Variants in PLA2G7 observed in about 807,000 individuals in gnomAD.
The protein encoded by PLA2G7 is platelet-activating factor acetylhydrolase.
Under a neutral mutation model 49.6 loss-of-function variants are expected in PLA2G7, and 63 were observed. The ratio of observed to expected loss-of-function variants is 1.27; its 90% CI spans 1.04 to 1.57. PLA2G7 has a LOEUF of 1.57. Ranked by LOEUF, PLA2G7 falls within the 40% of genes most tolerant of loss-of-function variation. PLA2G7 has a pLI of 0.00. For synonymous variants in PLA2G7, 193 were observed against 169.9 expected, an observed-to-expected ratio of 1.14 and a Z score of -1.06; for missense variants, 596 against 521.2, an observed-to-expected ratio of 1.14 and a Z score of -1.40.
At chr6:46,718,000 A>G (rs9472828) in intron 2 of PLA2G7, among the ~76,000 whole-genome samples, 128,016 of 152,224 alleles carry the variant, frequency 0.84, 54,107 homozygotes, top group African/African-American at 0.92. Flanking sequence ...ACAGGCGTGA[A>G]CCACCACGCC....
rs555404416 is a variant in PLA2G7 at position 46,724,082 on chromosome 6, C to T, written c.-34-1157G>A. The stretch of plus-strand genomic sequence containing the variant: ...CCCAAATGACTGGTCCTCTCACCTC[C>T]GGGTTTTTGCTCCAGTGATACTTTC... On this transcript the variant is annotated intron_variant, in intron 1 of 11. Coordinates refer to ENST00000274793, the MANE Select transcript of PLA2G7 (RefSeq NM_005084.4). 5.3e-5 allele frequency among the ~76,000 whole-genome samples: 8 copies of T among 152,238 alleles called. No individual in the cohort carries two copies. The East Asian group carries it at 7.7e-4, about 15-fold the overall frequency.
chr6:46,721,822 C>A (rs983417916), intron 2 of PLA2G7, among the ~76,000 whole-genome samples: 15 of 151,918 alleles, frequency 9.9e-5, no homozygotes, highest in Non-Finnish European at 1.5e-4. Context: ...TGTAGTAGGG[C>A]AAAATTTAAG....
intron 1 of PLA2G7, among the ~76,000 whole-genome samples, chr6:46,723,361 C>A (rs908936397): frequency 2.0e-5 from 3 of 152,046 alleles, no homozygotes; most frequent in African/African-American, 7.3e-5. Context: ...GACTATATTT[C>A]TGCTGCTGTG....
At position 46,716,296 on chromosome 6, in the gene PLA2G7, CT is replaced by C; in HGVS notation, c.376+87del. 2.2e-6 allele frequency: 3 copies of C among 1,366,472 alleles called. 1 individual carries two copies. The South Asian group carries it at 3.5e-5, about 16-fold the overall frequency. The allele number at this position is 1,366,472 out of a possible 1,614,324, so 84.6% of individuals were successfully genotyped here. The stretch of plus-strand genomic sequence containing the variant: ...GCTATTTGGACTGAAGAAAAATCTA[CT>C]TTGGTCTTAACTACTTGAAGTTCTT... On this transcript the variant is annotated intron_variant, in intron 4 of 11. Transcript: ENST00000274793.
At chr6:46,722,637 C>A (rs1765436644) in intron 2 of PLA2G7, 146 bp downstream of exon 2, 3 of 659,124 alleles carry the variant, frequency 4.6e-6, no homozygotes, top group Non-Finnish European at 5.5e-6. Flanking sequence ...AAGTGAGAAC[C>A]TCTCCCCTAC....
intron 1 of PLA2G7, among the ~76,000 whole-genome samples, chr6:46,731,888 G>A (rs1019997528): frequency 6.6e-6 from 1 of 152,074 alleles, no homozygotes; most frequent in Admixed American, 6.6e-5. Flanking sequence ...CCAAAAAATA[G>A]CCTACGCCCA....
intron 1 of PLA2G7, among the ~76,000 whole-genome samples, chr6:46,734,415 TGAGAGAGAGAGAGAGAGAGAGAGA>T (rs70996386): frequency 0.027 from 1,491 of 54,274 alleles, 188 homozygotes; most frequent in African/African-American, 0.047. Flanking sequence ...TGTGTGTGTG[TGAGAGAGAGAGAGAGAGAGAGAGA>T]GAGAGAGAGA....
At chr6:46,717,586 T>G (rs35181186) in intron 2 of PLA2G7, among the ~76,000 whole-genome samples, 6,743 of 152,110 alleles carry the variant, frequency 0.044, 191 homozygotes, top group East Asian at 0.12. Flanking sequence ...CCACACAGCC[T>G]GCAACTCAAG....
At chr6:46,734,458 G>C (rs1003162731) in intron 1 of PLA2G7, among the ~76,000 whole-genome samples, 1 of 132,962 alleles carries the variant, frequency 7.5e-6, no homozygotes, top group East Asian at 2.2e-4. Context: ...GAGAGAGAGA[G>C]AGAGAGAGAG....
At chr6:46,711,459 T>C in intron 7 of PLA2G7, 37 bp downstream of exon 7, 2 of 1,611,194 alleles carry the variant, frequency 1.2e-6, no homozygotes, top group Non-Finnish European at 1.7e-6. Flanking sequence ...TACATGCTTT[T>C]AGGTCACCAA....
chr6:46,731,428 C>A (rs1222726183), intron 1 of PLA2G7, among the ~76,000 whole-genome samples: 1 of 152,200 alleles, frequency 6.6e-6, no homozygotes, highest in Non-Finnish European at 1.5e-5. Flanking sequence ...AAAGGCAAAT[C>A]TGTCCAAAAT....
intron 2 of PLA2G7, 59 bp downstream of exon 2, chr6:46,722,724 C>T (rs1755229478): frequency 3.0e-6 from 3 of 1,003,394 alleles, no homozygotes; most frequent in African/African-American, 1.6e-5. Flanking sequence ...TTCTTGGGGC[C>T]CACTTGAAGT....
At chr6:46,723,777 G>A (rs1429406556) in intron 1 of PLA2G7, among the ~76,000 whole-genome samples, 1 of 152,026 alleles carries the variant, frequency 6.6e-6, no homozygotes. Context: ...CCCCAACACA[G>A]CAGCCAGAGT....
In PLA2G7 at chr6:46,704,651, T is replaced by C; in HGVS notation, c.1235A>G (p.Asp412Gly). 6.3e-7 allele frequency: 1 copy of C among 1,577,056 alleles called. No individual in the cohort carries two copies. The change falls in exon 12 of 12, where the codon GAT (aspartate) becomes GGT (glycine). Residue 412 changes from aspartate (D) to glycine (G), a missense_variant. Physicochemically the swap from Asp to Gly is moderately conservative, Grantham distance 94. Transcript: ENST00000274793. ...GGTCCCTGGAATAAGATTCTCATCA[T>C]CTCCTTCAATCAAGCAGTCCCACTG... ...FDQWDCLIEG[D>G]DENLIPGTNI...
chr6:46,704,478 T>TCTCTCTCACA lies in PLA2G7; in HGVS notation c.*81_*82insTGTGAGAGAG, dbSNP rs1441279240. On this transcript the variant is annotated 3_prime_UTR_variant, in exon 12 of 12. Coordinates refer to ENST00000274793, the MANE Select transcript of PLA2G7 (RefSeq NM_005084.4). ...CTCTCTCTCTCTCTCTCTCTCTCTCTCACACACACACACACACACACACAC... is the reference window on the plus strand; with the variant it reads ...CTCTCTCTCTCTCTCTCTCTCTCTCTCTCTCTCACACACACACACACACACACACACACAC... 2.4e-3 allele frequency: 211 copies of TCTCTCTCACA among 87,846 alleles called. No homozygotes were observed. The highest frequency in any genetic ancestry group is 0.021 in the East Asian group (49 of 2,350). The allele number at this position is 87,846 out of a possible 1,614,324, so 5.4% of individuals were successfully genotyped here.
chr6:46,708,903 A>C (rs1562068404), intron 9 of PLA2G7, among the ~76,000 whole-genome samples: 1 of 152,138 alleles, frequency 6.6e-6, no homozygotes, highest in Non-Finnish European at 1.5e-5. Flanking sequence ...ACTCTTACCC[A>C]AATAATTGTA....
intron 2 of PLA2G7, among the ~76,000 whole-genome samples, chr6:46,717,710 T>G (rs1303177539): frequency 1.5e-4 from 5 of 34,444 alleles, no homozygotes; most frequent in Non-Finnish European, 2.7e-4. Flanking sequence ...TTCTTTTTTC[T>G]TTTTCTTTTT....
intron 1 of PLA2G7, among the ~76,000 whole-genome samples, chr6:46,730,639 T>G (rs1219533292): frequency 6.6e-6 from 1 of 152,180 alleles, no homozygotes; most frequent in Non-Finnish European, 1.5e-5. Flanking sequence ...ATTGCTTCCA[T>G]GTAGGAATGG....
chr6:46,714,412 T>C, intron 5 of PLA2G7, 48 bp downstream of exon 5: 1 of 1,096,422 alleles, frequency 9.1e-7, no homozygotes, highest in Non-Finnish European at 1.4e-6. Flanking sequence ...ATAAAAAAAT[T>C]GTCATTTATT....
Sources: gnomAD v4.1 joint callset for allele counts (sites outside exome capture counted in the v4.1 genomes callset) on GRCh38, gnomAD v4.1.1 for gene constraint, MANE v1.5 for transcripts, NCBI Gene and HGNC (gene_info 2026-07-23, HGNC 2026-07-21) for gene names.